Variants in FUCA1 observed in about 807,000 individuals in gnomAD.
FUCA1 encodes the protein alpha-L-fucosidase 1.
FUCA1 carries 52 observed loss-of-function variants against 56.8 expected under a neutral mutation model. The observed-to-expected ratio is 0.92, with a 90% CI of 0.73 to 1.15. FUCA1 has a LOEUF of 1.15. Among genes scored for constraint, FUCA1 ranks in the 50% most tolerant of loss-of-function variants. FUCA1 has a pLI of 0.00. For missense variants in FUCA1, 568 were observed against 592.6 expected, an observed-to-expected ratio of 0.96 and a Z score of 0.43; for synonymous variants, 230 against 226.6, an observed-to-expected ratio of 1.02 and a Z score of -0.14.
rs1171099138 is a variant in FUCA1 at position 23,845,485 on chromosome 1, C to CTCAG, written c.*226_*229dup. 4 of 580,862 alleles carry CTCAG rather than the reference C, an allele frequency of 6.9e-6. No individual in the cohort carries two copies. Among genetic ancestry groups the CTCAG allele is most frequent in the Non-Finnish European group, 6.1e-6 (2 of 325,972 alleles). The allele number at this position is 580,862 out of a possible 1,614,324, so 36.0% of individuals were successfully genotyped here. ...AATTGATGAACTCAGAGTTCAACTG[C>CTCAG]TCAGTTCCTTCTTCTGCTGACCTGA... On this transcript the variant is annotated 3_prime_UTR_variant, in exon 8 of 8. Coordinates refer to ENST00000374479, the MANE Select transcript of FUCA1 (RefSeq NM_000147.5).
At position 23,845,466 on chromosome 1, in the gene FUCA1, T is replaced by G; in HGVS notation, c.*249A>C. Reference sequence around the variant, plus strand: ...GATAATTTCCAAATATTACAATTGATGAACTCAGAGTTCAACTGCTCAGTT... The same window carrying G: ...GATAATTTCCAAATATTACAATTGAGGAACTCAGAGTTCAACTGCTCAGTT... On this transcript the variant is annotated 3_prime_UTR_variant, in exon 8 of 8. Coordinates refer to ENST00000374479, the MANE Select transcript of FUCA1 (RefSeq NM_000147.5). 1.8e-6 allele frequency: 1 copy of G among 547,688 alleles called. No homozygotes were observed. Among genetic ancestry groups the G allele is most frequent in the South Asian group, 2.0e-5 (1 of 48,874 alleles). 33.9% of individuals were successfully genotyped at this position (547,688 alleles called of 1,614,324 possible).
At chr1:23,846,275 CTT>C (rs11456086) in intron 6 of FUCA1, 102 bp from the exon 7 acceptor site, 1,999 of 659,460 alleles carry the variant, frequency 3.0e-3, no homozygotes, top group Middle Eastern at 6.3e-3. Flanking sequence ...CTTTTCTTTT[CTT>C]TTTTTTTTTT....
rs1639122371 is a variant in FUCA1 at position 23,845,673 on chromosome 1, GA to G, written c.*41del. ...TACTATAAGAGAAAAACTGAAGCAGGAAAACAGTGAGCAGCGCCTCTTTCTT... is the reference window on the plus strand; with the variant it reads ...TACTATAAGAGAAAAACTGAAGCAGGAAACAGTGAGCAGCGCCTCTTTCTT... On this transcript the variant is annotated 3_prime_UTR_variant, in exon 8 of 8. Coordinates refer to ENST00000374479, the MANE Select transcript of FUCA1 (RefSeq NM_000147.5). 1.2e-6 allele frequency: 2 copies of G among 1,613,392 alleles called. No homozygotes were observed. Among genetic ancestry groups the G allele is most frequent in the Non-Finnish European group, 1.7e-6 (2 of 1,179,336 alleles).
intron 5 of FUCA1, among the ~76,000 whole-genome samples, chr1:23,852,741 G>T (rs1487716052): frequency 6.6e-6 from 1 of 152,226 alleles, no homozygotes. Context: ...GCCTCCAGAG[G>T]TGCCGGGATT....
chr1:23,866,975 A>C (rs1639635188), intron 1 of FUCA1, among the ~76,000 whole-genome samples: 1 of 152,200 alleles, frequency 6.6e-6, no homozygotes, highest in Non-Finnish European at 1.5e-5. Context: ...TCTTTAGTAC[A>C]AGTGAATTCA....
Position 23,868,093 on chromosome 1 carries a change from C to A in FUCA1, c.194G>T (p.Gly65Val). 1 of 1,611,948 alleles carries A rather than the reference C, an allele frequency of 6.2e-7. No individual in the cohort carries two copies. The highest frequency in any genetic ancestry group is 8.5e-7 in the Non-Finnish European group (1 of 1,179,624). Residue 65 changes from glycine to valine, a missense_variant, in exon 1 of 8, where the codon GGC becomes GTC. Transcript: ENST00000374479. ...GCCCCAGGCGGGCACCGAGAACACG[C>A]CCCAGTGGATGAACACCCCGAACTT... The part of the protein sequence containing the change: ...EAKFGVFIHW[G>V]VFSVPAWGSE...
In FUCA1 at chr1:23,854,533, C is replaced by T. The variant is rs755838987; in HGVS notation, c.796G>A (p.Gly266Ser). 6.2e-7 allele frequency: 1 copy of T among 1,613,866 alleles called. No homozygotes were observed. The highest frequency in any genetic ancestry group is 8.5e-7 in the Non-Finnish European group (1 of 1,179,866). The change falls in exon 5 of 8, where the codon GGT becomes AGT. Residue 266 changes from glycine (G) to serine (S), a missense_variant. By Grantham distance (56) the Gly-to-Ser change is moderately conservative. Coordinates refer to ENST00000374479, the MANE Select transcript of FUCA1 (RefSeq NM_000147.5). The stretch of plus-strand genomic sequence containing the variant: ...CCATGGTGACAGGAACAGTTCTGAC[C>T]CCATCGGTCATTTACTACCACCTCA... Reference protein sequence around the residue: ...KDEVVVNDRWGQNCSCHHGGY... With the variant: ...KDEVVVNDRWSQNCSCHHGGY...
chr1:23,859,537 G>C (rs1012950101), intron 4 of FUCA1, among the ~76,000 whole-genome samples: 24 of 150,932 alleles, frequency 1.6e-4, no homozygotes, highest in Non-Finnish European at 2.7e-4. Context: ...CTGTACTCCA[G>C]CCTGGGTGAC....
At chr1:23,858,786 C>G (rs1216414712) in intron 4 of FUCA1, among the ~76,000 whole-genome samples, 2 of 152,144 alleles carry the variant, frequency 1.3e-5, no homozygotes, top group Admixed American at 6.6e-5. Context: ...GTTTCACTGT[C>G]ACGCAGGCTG....
intron 2 of FUCA1, among the ~76,000 whole-genome samples, chr1:23,863,832 A>C (rs1639561846): frequency 6.6e-6 from 1 of 152,216 alleles, no homozygotes; most frequent in Non-Finnish European, 1.5e-5. Context: ...AGCAAAGGCG[A>C]CAGAGTGAGA....
chr1:23,860,759 C>A (rs1445246183), intron 3 of FUCA1, among the ~76,000 whole-genome samples: 4 of 151,424 alleles, frequency 2.6e-5, no homozygotes, highest in Admixed American at 2.6e-4. Context: ...GCACTTCAGC[C>A]ACCCAAGTAG....
intron 2 of FUCA1, among the ~76,000 whole-genome samples, chr1:23,864,862 G>A (rs58833609): frequency 5.9e-5 from 9 of 152,048 alleles, no homozygotes; most frequent in African/African-American, 2.2e-4. Flanking sequence ...ACGCCACCAC[G>A]CCCGGCTAAT....
intron 3 of FUCA1, among the ~76,000 whole-genome samples, chr1:23,861,322 C>CAAAAAA (rs34240712): frequency 4.8e-4 from 29 of 60,486 alleles, no homozygotes; most frequent in African/African-American, 7.1e-4. Context: ...GACTCCGTCT[C>CAAAAAA]AAAAAAAAAA....
intron 5 of FUCA1, 42 bp downstream of exon 5, chr1:23,854,316 TAA>T (rs55699941): frequency 1.2e-3 from 1,571 of 1,258,618 alleles, no homozygotes; most frequent in Non-Finnish European, 1.4e-3. Flanking sequence ...TACTGCATGT[TAA>T]AAAAAAAAAA....
At chr1:23,854,251 T>C in intron 5 of FUCA1, 109 bp downstream of exon 5, 1 of 911,312 alleles carries the variant, frequency 1.1e-6, no homozygotes, top group East Asian at 2.4e-5. Context: ...AAAATATGCA[T>C]CTGTAAACAA....
intron 2 of FUCA1, among the ~76,000 whole-genome samples, chr1:23,864,982 T>C (rs970690478): frequency 1.3e-5 from 2 of 152,182 alleles, no homozygotes; most frequent in African/African-American, 2.4e-5. Flanking sequence ...GGATTACAAG[T>C]GTGAGTCAAC....
intron 3 of FUCA1, among the ~76,000 whole-genome samples, 153 bp from the exon 4 acceptor site, chr1:23,860,056 G>A (rs1037160136): frequency 1.3e-5 from 2 of 152,064 alleles, no homozygotes; most frequent in Non-Finnish European, 2.9e-5. Flanking sequence ...ATGCACTATA[G>A]TCTCGAATTC....
At chr1:23,846,909 TCTTGCTGTGTTGCCCAACACAA>T (rs1195112223) in intron 6 of FUCA1, among the ~76,000 whole-genome samples, 8 of 151,416 alleles carry the variant, frequency 5.3e-5, no homozygotes, top group Non-Finnish European at 7.4e-5. Context: ...AGTGATGGAG[TCTTGCTGTGTTGCCCAACACAA>T]CTTGCTGTGT....
At chr1:23,854,339 A>T in intron 5 of FUCA1, 21 bp downstream of exon 5, 1 of 1,602,738 alleles carries the variant, frequency 6.2e-7, no homozygotes, top group Non-Finnish European at 8.5e-7. Flanking sequence ...ACAAAAACAA[A>T]AAACTCAAAG....
Sources: gnomAD v4.1 joint callset for allele counts (sites outside exome capture counted in the v4.1 genomes callset) on GRCh38, gnomAD v4.1.1 for gene constraint, MANE v1.5 for transcripts, NCBI Gene and HGNC (gene_info 2026-07-23, HGNC 2026-07-21) for gene names.